IGSF10: variants seen among roughly 807,000 people sequenced by gnomAD.
IGSF10 encodes the protein calvaria mechanical force protein 608.
Under a neutral mutation model 128.2 loss-of-function variants are expected in IGSF10, and 126 were observed. The ratio of observed to expected loss-of-function variants is 0.98; its 90% CI spans 0.85 to 1.14. The LOEUF (loss-of-function observed/expected upper bound fraction) is 1.14, where lower values mean the gene tolerates loss of function less well. IGSF10 is among the 50% of genes most tolerant of loss of function. IGSF10 has a pLI of 0.00. For synonymous variants in IGSF10, 1,185 were observed against 1,146.2 expected, an observed-to-expected ratio of 1.03 and a Z score of -0.68; for missense variants, 3,295 against 3,149.8, an observed-to-expected ratio of 1.05 and a Z score of -1.10.
At chr3:151,534,224 A>G in the IGSF10 span, among the ~76,000 whole-genome samples, 1 of 152,226 alleles carries the variant, frequency 6.6e-6, no homozygotes, top group South Asian at 2.1e-4. Context: ...AATTAGTTCA[A>G]CCATTGTGGA....
At chr3:151,547,228 C>T in the IGSF10 span, among the ~76,000 whole-genome samples, 1 of 152,114 alleles carries the variant, frequency 6.6e-6, no homozygotes, top group African/African-American at 2.4e-5. Context: ...CCAAGATCCA[C>T]TCCATCCTTT....
At chr3:151,579,291 A>C in the IGSF10 span, among the ~76,000 whole-genome samples, 48 of 152,284 alleles carry the variant, frequency 3.2e-4, no homozygotes, top group Non-Finnish European at 1.5e-4. Context: ...TATTCAACCA[A>C]AAATTATGAG....
the IGSF10 span, among the ~76,000 whole-genome samples, chr3:151,526,277 T>C: frequency 1.3e-5 from 2 of 152,022 alleles, no homozygotes; most frequent in Admixed American, 6.5e-5. Flanking sequence ...TGGAAGCCTT[T>C]GACCTTCCCT....
chr3:151,494,832 G>T, the IGSF10 span, among the ~76,000 whole-genome samples: 2 of 152,028 alleles, frequency 1.3e-5, no homozygotes, highest in African/African-American at 2.4e-5. Context: ...ATCAGCAAGG[G>T]TTTGTCTGAC....
intron 5 of IGSF10, among the ~76,000 whole-genome samples, chr3:151,451,861 T>A (rs1011340060): frequency 7.9e-5 from 12 of 152,238 alleles, no homozygotes; most frequent in African/African-American, 2.9e-4. Flanking sequence ...ATGAAATGAA[T>A]GCTCATTAGA....
rs767768879 is a variant in IGSF10 at position 151,443,795 on chromosome 3, G to A, written c.5152C>T (p.Arg1718Cys). Residue 1718 changes from arginine (R) to cysteine (C), a missense_variant, in exon 7 of 8, where the codon CGC becomes TGC. By Grantham distance (180) the Arg-to-Cys change is radical. Transcript: ENST00000282466. ...GATGCGGAACACAAGTACTGTCCGCGGTCCTGAATTTCCACCCTCTGGATG... is the reference window on the plus strand; with the variant it reads ...GATGCGGAACACAAGTACTGTCCGCAGTCCTGAATTTCCACCCTCTGGATG... ...LSIQRVEIQD[R>C]GQYLCSASNL... 4 of 1,614,020 alleles carry A rather than the reference G, an allele frequency of 2.5e-6. No individual in the cohort carries two copies. Among genetic ancestry groups the A allele is most frequent in the South Asian group, 2.2e-5 (2 of 91,074 alleles).
the IGSF10 span, among the ~76,000 whole-genome samples, chr3:151,579,515 G>A: frequency 2.0e-5 from 3 of 151,434 alleles, no homozygotes; most frequent in African/African-American, 7.3e-5. Flanking sequence ...CTGTAAGAGA[G>A]AATGATATAG....
At chr3:151,525,842 T>C in the IGSF10 span, among the ~76,000 whole-genome samples, 2 of 152,180 alleles carry the variant, frequency 1.3e-5, no homozygotes, top group African/African-American at 4.8e-5. Flanking sequence ...GTACATTGAT[T>C]TGAGACTTCA....
At chr3:151,558,027 A>ATATATAT in the IGSF10 span, among the ~76,000 whole-genome samples, 129 of 52,860 alleles carry the variant, frequency 2.4e-3, no homozygotes, top group Non-Finnish European at 3.3e-3. Context: ...TAATATATAT[A>ATATATAT]TTGGTACAAT....
At chr3:151,432,877 C>A, downstream of IGSF10, 3 of 1,130,074 alleles carry the variant, frequency 2.7e-6, no homozygotes, top group South Asian at 1.5e-5. Flanking sequence ...ATGCATTAGT[C>A]ATCTTAAAAA....
the IGSF10 span, among the ~76,000 whole-genome samples, chr3:151,575,337 C>T: frequency 6.6e-6 from 1 of 152,182 alleles, no homozygotes; most frequent in African/African-American, 2.4e-5. Flanking sequence ...GAAGTGGAGT[C>T]TACAGAGGCA....
At chr3:151,546,792 G>A in the IGSF10 span, among the ~76,000 whole-genome samples, 195 of 151,072 alleles carry the variant, frequency 1.3e-3, 1 homozygote, top group Non-Finnish European at 2.0e-3. Context: ...TTTTTGAGAC[G>A]AAGTTTTTGC....
chr3:151,569,525 A>G, the IGSF10 span, among the ~76,000 whole-genome samples: 1 of 152,154 alleles, frequency 6.6e-6, no homozygotes, highest in Non-Finnish European at 1.5e-5. Flanking sequence ...AAGTGCTGAG[A>G]TAATCTGTCA....
the IGSF10 span, among the ~76,000 whole-genome samples, chr3:151,592,895 A>T: frequency 3.9e-5 from 6 of 152,160 alleles, no homozygotes; most frequent in African/African-American, 1.4e-4. Flanking sequence ...ATGTTTGGGT[A>T]TTGCAATATT....
chr3:151,458,424 G>C, intron 3 of IGSF10, 92 bp downstream of exon 3: 1 of 912,532 alleles, frequency 1.1e-6, no homozygotes, highest in Non-Finnish European at 1.6e-6. Flanking sequence ...AAACAATTGA[G>C]ATTCATCTCC....
chr3:151,448,050 C>T lies in IGSF10; in HGVS notation c.1931G>A (p.Arg644His), dbSNP rs199518471. ...QVTPKDQGYY[R>H]CVAANPSGVD... Reference sequence around the variant, plus strand: ...CCCTGATGGGTTGGCTGCCACACAGCGATAATAACCTTGGTCTTTCGGGGT... The same window carrying T: ...CCCTGATGGGTTGGCTGCCACACAGTGATAATAACCTTGGTCTTTCGGGGT... Residue 644 changes from arginine to histidine, a missense_variant, in exon 6 of 8, where the codon CGC becomes CAC. Coordinates refer to ENST00000282466, the MANE Select transcript of IGSF10 (RefSeq NM_178822.5). 3.0e-5 allele frequency: 49 copies of T among 1,614,108 alleles called. No homozygotes were observed. Among genetic ancestry groups the T allele is most frequent in the Middle Eastern group, 1.6e-4 (1 of 6,062 alleles).
chr3:151,438,351 TA>T lies in IGSF10; in HGVS notation c.6209del (p.Ile2070AsnfsTer10). ...TGGTTCCATCAGGCAAACTCCAAGA[TA>T]TCTCTGGCACTGGGGAGCCGGAAGC... ...CKASGSPVPE[I>X]SWSLPDGTMI... On this transcript the variant is annotated frameshift_variant, in exon 8 of 8. Coordinates refer to ENST00000282466, the MANE Select transcript of IGSF10 (RefSeq NM_178822.5). LOFTEE classifies it low-confidence loss of function (END_TRUNC). The T allele has an allele frequency of 1.2e-6, 2 of 1,614,180 alleles. No homozygotes were observed. The highest frequency in any genetic ancestry group is 1.7e-6 in the Non-Finnish European group (2 of 1,180,020).
chr3:151,441,234 C>A (rs915074836), intron 7 of IGSF10, among the ~76,000 whole-genome samples: 3 of 152,124 alleles, frequency 2.0e-5, no homozygotes, highest in African/African-American at 4.8e-5. Flanking sequence ...ATTGATGTTT[C>A]TTTTTATAAA....
intron 4 of IGSF10, among the ~76,000 whole-genome samples, chr3:151,455,987 A>T (rs1398486641): frequency 3.3e-5 from 5 of 152,252 alleles, no homozygotes; most frequent in Non-Finnish European, 1.5e-5. Flanking sequence ...AAAAGAAAAT[A>T]TAAGTTGGCA....
Sources: allele counts gnomAD v4.1 joint callset (sites outside exome capture counted in the v4.1 genomes callset), GRCh38; gene constraint gnomAD v4.1.1; transcripts MANE v1.5; gene names NCBI Gene and HGNC (gene_info 2026-07-23, HGNC 2026-07-21).